The following HS6ST3 variants were observed in gnomAD, a reference collection of about 807,000 sequenced individuals.
HS6ST3 encodes heparan-sulfate 6-O-sulfotransferase 3.
A neutral mutation model predicts 36.7 loss-of-function variants in HS6ST3; 12 were observed. The observed-to-expected ratio is 0.33, with a 90% confidence interval of 0.21 to 0.53. HS6ST3 has a LOEUF of 0.53. Ranked by LOEUF, HS6ST3 falls within the 20% of genes least tolerant of loss-of-function variation. HS6ST3 has a pLI of 0.95. For synonymous variants in HS6ST3, 240 were observed against 257.5 expected, an observed-to-expected ratio of 0.93 and a Z score of 0.65; for missense variants, 584 against 640.9, an observed-to-expected ratio of 0.91 and a Z score of 0.96.
At chr13:96,230,324 G>A (rs1053788829) in intron 1 of HS6ST3, among the ~76,000 whole-genome samples, 8 of 152,170 alleles carry the variant, frequency 5.3e-5, no homozygotes, top group East Asian at 1.9e-4. Flanking sequence ...GGCTTGGAAC[G>A]GAGAGGGTAG....
chr13:96,303,521 T>TG (rs1333282669), intron 1 of HS6ST3, among the ~76,000 whole-genome samples: 1 of 152,062 alleles, frequency 6.6e-6, no homozygotes, highest in East Asian at 1.9e-4. Context: ...AGGCATTCTG[T>TG]GGGGGGCTGT....
At chr13:96,702,016 A>G (rs142465905) in intron 1 of HS6ST3, among the ~76,000 whole-genome samples, 4 of 152,324 alleles carry the variant, frequency 2.6e-5, no homozygotes, top group African/African-American at 7.2e-5. Flanking sequence ...TATAGCATAT[A>G]CAACAGATGT....
At chr13:96,270,492 T>A (rs1320100658) in intron 1 of HS6ST3, among the ~76,000 whole-genome samples, 1 of 151,992 alleles carries the variant, frequency 6.6e-6, no homozygotes, top group East Asian at 1.9e-4. Context: ...TATTTTAATT[T>A]AATTAAATTT....
intron 1 of HS6ST3, among the ~76,000 whole-genome samples, chr13:96,528,474 G>T (rs762219711): frequency 2.0e-5 from 3 of 152,048 alleles, no homozygotes; most frequent in Non-Finnish European, 4.4e-5. Flanking sequence ...TGATGAAATT[G>T]TTGGTGAAAT....
At chr13:96,499,316 A>G (rs190172644) in intron 1 of HS6ST3, among the ~76,000 whole-genome samples, 356 of 152,248 alleles carry the variant, frequency 2.3e-3, no homozygotes, top group Non-Finnish European at 3.3e-3. Context: ...GTGAGCCACC[A>G]TGCCTGGCCC....
intron 1 of HS6ST3, among the ~76,000 whole-genome samples, chr13:96,363,096 A>T (rs548907954): frequency 6.6e-6 from 1 of 152,178 alleles, no homozygotes; most frequent in East Asian, 1.9e-4. Context: ...AGTTACACAA[A>T]CCTATACATG....
intron 1 of HS6ST3, among the ~76,000 whole-genome samples, chr13:96,400,390 G>C (rs867063035): frequency 3.7e-4 from 57 of 152,006 alleles, no homozygotes; most frequent in African/African-American, 1.4e-3. Context: ...GAGTAGGGAA[G>C]AGTGTCACAT....
chr13:96,228,032 G>A (rs2054489515), intron 1 of HS6ST3, among the ~76,000 whole-genome samples: 1 of 152,170 alleles, frequency 6.6e-6, no homozygotes. Flanking sequence ...ACTTAGTTCA[G>A]TTGATCTTTC....
At chr13:96,759,130 G>T (rs537417644) in intron 1 of HS6ST3, among the ~76,000 whole-genome samples, 22 of 151,368 alleles carry the variant, frequency 1.5e-4, no homozygotes, top group Non-Finnish European at 3.0e-4. Flanking sequence ...TTATATTTAC[G>T]TTTTACATGG....
chr13:96,684,038 A>G (rs1233091772), intron 1 of HS6ST3, among the ~76,000 whole-genome samples: 2 of 152,080 alleles, frequency 1.3e-5, no homozygotes, highest in Non-Finnish European at 2.9e-5. Context: ...ACCTAGAAAT[A>G]TTTCAGCAGT....
chr13:96,308,462 G>A (rs775636117), intron 1 of HS6ST3, among the ~76,000 whole-genome samples: 5 of 152,048 alleles, frequency 3.3e-5, no homozygotes, highest in Non-Finnish European at 7.4e-5. Flanking sequence ...AGATATAGTG[G>A]TCATTAAAAT....
chr13:96,093,594 T>G (rs1290565909), intron 1 of HS6ST3, among the ~76,000 whole-genome samples: 1 of 152,146 alleles, frequency 6.6e-6, no homozygotes, highest in Non-Finnish European at 1.5e-5. Flanking sequence ...AATTTTTTTT[T>G]GGTAGTATTT....
At chr13:96,793,415 A>T (rs1042664044) in intron 1 of HS6ST3, among the ~76,000 whole-genome samples, 1 of 152,032 alleles carries the variant, frequency 6.6e-6, no homozygotes, top group Non-Finnish European at 1.5e-5. Context: ...ACGTCTATAA[A>T]CAGAAACATT....
intron 1 of HS6ST3, among the ~76,000 whole-genome samples, chr13:96,304,711 C>CTTTCTTTCTTTCTTTCTTTCTTCTTTCTT (rs766397124): frequency 2.2e-5 from 2 of 89,338 alleles, no homozygotes; most frequent in African/African-American, 8.8e-5. Flanking sequence ...TTCTTTCTTT[C>CTTTCTTTCTTTCTTTCTTTCTTCTTTCTT]TTTTTTTTTT....
intron 1 of HS6ST3, among the ~76,000 whole-genome samples, chr13:96,402,121 G>A (rs1453512480): frequency 6.6e-6 from 1 of 152,156 alleles, no homozygotes; most frequent in East Asian, 1.9e-4. Flanking sequence ...TTACAGGCAT[G>A]CACTACTGCA....
intron 1 of HS6ST3, among the ~76,000 whole-genome samples, chr13:96,305,913 T>G (rs2054910327): frequency 6.6e-6 from 1 of 150,506 alleles, no homozygotes; most frequent in African/African-American, 2.5e-5. Flanking sequence ...TGTACCAGAT[T>G]TCCTTTCTTT....
intron 1 of HS6ST3, among the ~76,000 whole-genome samples, chr13:96,592,937 G>A (rs1356953978): frequency 6.6e-6 from 1 of 151,776 alleles, no homozygotes; most frequent in East Asian, 1.9e-4. Flanking sequence ...AATCTTCCTG[G>A]TGTTCTATAA....
At chr13:96,700,073 A>G (rs1403610739) in intron 1 of HS6ST3, among the ~76,000 whole-genome samples, 2 of 152,160 alleles carry the variant, frequency 1.3e-5, no homozygotes, top group Non-Finnish European at 2.9e-5. Context: ...ACTATTTTTC[A>G]TCAGTGTATA....
intron 1 of HS6ST3, among the ~76,000 whole-genome samples, chr13:96,595,263 TCTCAAACTCCTGGC>T (rs761474595): frequency 8.5e-5 from 13 of 152,108 alleles, no homozygotes; most frequent in Non-Finnish European, 1.6e-4. Context: ...CCAAGGCTGG[TCTCAAACTCCTGGC>T]CTCAAGTAAT....
Sources: gnomAD v4.1 joint callset for allele counts (sites outside exome capture counted in the v4.1 genomes callset) on GRCh38, gnomAD v4.1.1 for gene constraint, MANE v1.5 for transcripts, NCBI Gene and HGNC (gene_info 2026-07-23, HGNC 2026-07-21) for gene names.